HTR2C: variants seen among roughly 807,000 people sequenced by gnomAD.
HTR2C encodes the protein 5-hydroxytryptamine receptor 2C.
Under a neutral mutation model 21.0 loss-of-function variants are expected in HTR2C, and 5 were observed. The ratio of observed to expected loss-of-function variants is 0.24; its 90% CI spans 0.12 to 0.50. HTR2C has a LOEUF of 0.50. Ranked by LOEUF, HTR2C falls within the 20% of genes least tolerant of loss-of-function variation. HTR2C has a pLI of 0.98. For missense variants in HTR2C, 271 were observed against 371.2 expected, an observed-to-expected ratio of 0.73 and a Z score of 2.22; for synonymous variants, 150 against 145.3, an observed-to-expected ratio of 1.03 and a Z score of -0.23.
At chrX:114,690,173 A>G (rs1556414930) in intron 2 of HTR2C, among the ~76,000 whole-genome samples, 1 of 111,411 alleles carries the variant, frequency 9.0e-6, no homozygotes, top group Non-Finnish European at 1.9e-5. Context: ...TTATCCTCAG[A>G]GCAATAACGA....
chrX:114,712,817 AG>A (rs781930793), intron 2 of HTR2C, among the ~76,000 whole-genome samples: 2 of 112,142 alleles, frequency 1.8e-5, no homozygotes, highest in Non-Finnish European at 3.8e-5. Context: ...CATCCACTGG[AG>A]AGAAAGTCAT....
intron 2 of HTR2C, among the ~76,000 whole-genome samples, chrX:114,723,025 C>G (rs782210831): frequency 3.5e-4 from 39 of 111,453 alleles, no homozygotes; most frequent in Admixed American, 4.8e-4. Flanking sequence ...TGATGCTGGC[C>G]TCATCAAATG....
intron 4 of HTR2C, among the ~76,000 whole-genome samples, chrX:114,783,624 T>C (rs2070142241): frequency 9.0e-6 from 1 of 111,651 alleles, no homozygotes; most frequent in South Asian, 3.7e-4. Context: ...TGCACCCAAA[T>C]GTAGAATACA....
intron 1 of HTR2C, among the ~76,000 whole-genome samples, chrX:114,595,906 A>G (rs183752244): frequency 1.4e-4 from 16 of 111,934 alleles, no homozygotes; most frequent in Non-Finnish European, 2.4e-4. Context: ...AAATAAATCA[A>G]GCCTTGATTG....
intron 2 of HTR2C, among the ~76,000 whole-genome samples, chrX:114,699,614 T>C (rs1279863112): frequency 8.9e-6 from 1 of 111,948 alleles, no homozygotes; most frequent in African/African-American, 3.3e-5. Flanking sequence ...TAAGTGTATT[T>C]TGTTAGAGAC....
In HTR2C at chrX:114,906,816, A is replaced by T. The variant is rs148470204; in HGVS notation, c.778A>T (p.Ser260Cys). The T allele has an allele frequency of 9.1e-6, 11 of 1,208,748 alleles. No individual in the cohort carries two copies. In the African/African-American group the frequency reaches 1.8e-4, roughly 19 times the overall value. The change falls in exon 6 of 6, where the codon AGT becomes TGT. Residue 260 changes from serine to cysteine, a missense_variant. This residue lies in a region of HTR2C where 192 missense variants were observed against 247.2 expected (regional missense o/e 0.78). Coordinates refer to ENST00000276198, the MANE Select transcript of HTR2C (RefSeq NM_000868.4). ...HGHTEEPPGL[S>C]LDFLKCCKRN... ...CCACACCGAGGAACCGCCTGGACTAAGTCTGGATTTCCTGAAGTGCTGCAA... is the reference window on the plus strand; with the variant it reads ...CCACACCGAGGAACCGCCTGGACTATGTCTGGATTTCCTGAAGTGCTGCAA...
At chrX:114,821,238 T>C (rs1252447457) in intron 4 of HTR2C, among the ~76,000 whole-genome samples, 1 of 34,125 alleles carries the variant, frequency 2.9e-5, no homozygotes, top group Non-Finnish European at 7.5e-5. Flanking sequence ...GTACAGACTA[T>C]CAGATCACAA....
chrX:114,592,406 TACAA>T (rs1683292098), intron 1 of HTR2C, among the ~76,000 whole-genome samples: 1 of 112,193 alleles, frequency 8.9e-6, no homozygotes, highest in East Asian at 2.8e-4. Context: ...GCCAAATTTG[TACAA>T]ACATAGTGGA....
intron 4 of HTR2C, among the ~76,000 whole-genome samples, chrX:114,793,583 A>C (rs183309562): frequency 1.6e-3 from 182 of 111,425 alleles, no homozygotes; most frequent in African/African-American, 5.4e-3. Context: ...TTAATGGGAG[A>C]TTATTATGGA....
intron 5 of HTR2C, among the ~76,000 whole-genome samples, chrX:114,889,456 G>A (rs1356371009): frequency 2.7e-5 from 3 of 111,730 alleles, no homozygotes; most frequent in Non-Finnish European, 5.6e-5. Flanking sequence ...GACTGTTTGG[G>A]GAATGCATAC....
intron 4 of HTR2C, among the ~76,000 whole-genome samples, chrX:114,838,682 C>T (rs1556464737): frequency 8.9e-6 from 1 of 111,955 alleles, no homozygotes. Flanking sequence ...AATAAGATTT[C>T]ATTTCACTCA....
At chrX:114,876,412 CTT>C (rs2071135771) in intron 5 of HTR2C, among the ~76,000 whole-genome samples, 2 of 38,025 alleles carry the variant, frequency 5.3e-5, no homozygotes, top group African/African-American at 1.7e-4. Context: ...TTCTTTCTTT[CTT>C]TTTCTTTCTT....
At chrX:114,877,521 C>T (rs1281788694) in intron 5 of HTR2C, among the ~76,000 whole-genome samples, 1 of 109,922 alleles carries the variant, frequency 9.1e-6, no homozygotes, top group Non-Finnish European at 1.9e-5. Context: ...GTTCTAGTTC[C>T]TTGGTGTAGA....
chrX:114,907,054 A>G lies in HTR2C; in HGVS notation c.1016A>G (p.Lys339Arg). 8.3e-7 allele frequency: 1 copy of G among 1,208,703 alleles called. No individual in the cohort carries two copies. Among genetic ancestry groups the G allele is most frequent in the Admixed American group, 2.2e-5 (1 of 45,667 alleles). Reference sequence around the variant, plus strand: ...AATATTCTGTCTGTTCTTTGTGAGAAGTCCTGTAACCAAAAGCTCATGGAA... The same window carrying G: ...AATATTCTGTCTGTTCTTTGTGAGAGGTCCTGTAACCAAAAGCTCATGGAA... ...ITNILSVLCE[K>R]SCNQKLMEKL... Residue 339 changes from lysine (K) to arginine (R), a missense_variant, in exon 6 of 6, where the codon AAG (lysine) becomes AGG (arginine). Lys to Arg is a conservative substitution (Grantham distance 26). Coordinates refer to ENST00000276198, the MANE Select transcript of HTR2C (RefSeq NM_000868.4).
At chrX:114,692,904 T>C (rs1569484453) in intron 2 of HTR2C, among the ~76,000 whole-genome samples, 1 of 111,525 alleles carries the variant, frequency 9.0e-6, no homozygotes, top group Admixed American at 9.7e-5. Flanking sequence ...TACAAAGCAC[T>C]GTATGAGGAC....
intron 2 of HTR2C, among the ~76,000 whole-genome samples, chrX:114,630,405 A>G (rs912740551): frequency 2.7e-5 from 3 of 112,303 alleles, no homozygotes; most frequent in Non-Finnish European, 5.6e-5. Context: ...ATTTTTAGTT[A>G]TGACAATAGC....
At chrX:114,778,998 C>A (rs1280247459) in intron 4 of HTR2C, among the ~76,000 whole-genome samples, 1 of 111,826 alleles carries the variant, frequency 8.9e-6, no homozygotes, top group Non-Finnish European at 1.9e-5. Context: ...ATTAAAAGTT[C>A]CGTATATAAA....
intron 3 of HTR2C, among the ~76,000 whole-genome samples, chrX:114,730,140 T>G (rs1208102644): frequency 8.9e-6 from 1 of 111,991 alleles, no homozygotes; most frequent in Non-Finnish European, 1.9e-5. Context: ...AAAAAATGTG[T>G]AGCTTTATTA....
intron 4 of HTR2C, among the ~76,000 whole-genome samples, chrX:114,803,963 A>G (rs1314307816): frequency 1.8e-5 from 2 of 111,993 alleles, no homozygotes; most frequent in Non-Finnish European, 3.8e-5. Flanking sequence ...AGGAACACCT[A>G]AATTGTGCTG....
Sources: gnomAD v4.1 joint callset for allele counts (sites outside exome capture counted in the v4.1 genomes callset) on GRCh38, gnomAD v4.1.1 for gene constraint, gnomAD v4.1.1 regional missense constraint, MANE v1.5 for transcripts, NCBI Gene and HGNC (gene_info 2026-07-23, HGNC 2026-07-21) for gene names.